Variants in HCRTR2 observed in about 807,000 individuals in gnomAD.
HCRTR2 encodes hypocretin receptor 2.
In HCRTR2, 22 loss-of-function variants were observed where a neutral mutation model predicts 49.0. The observed-to-expected ratio is 0.45, with a 90% confidence interval of 0.32 to 0.64. The LOEUF (loss-of-function observed/expected upper bound fraction) is 0.64. HCRTR2 is among the 30% of genes least tolerant of loss of function. The pLI, the probability that HCRTR2 is intolerant of heterozygous loss-of-function variation, is 0.04. For synonymous variants in HCRTR2, 236 were observed against 205.3 expected, an observed-to-expected ratio of 1.15 and a Z score of -1.28; for missense variants, 491 against 559.4, an observed-to-expected ratio of 0.88 and a Z score of 1.23.
At chr6:55,236,289 T>G (rs1562017109) in intron 1 of HCRTR2, among the ~76,000 whole-genome samples, 1 of 152,016 alleles carries the variant, frequency 6.6e-6, no homozygotes, top group Non-Finnish European at 1.5e-5. Context: ...CATTTTCTAG[T>G]TGTTTTTATT....
chr6:55,240,878 A>T (rs1313297032), intron 1 of HCRTR2: 1 of 253,014 alleles, frequency 4.0e-6, no homozygotes, highest in African/African-American at 2.3e-5. Flanking sequence ...TTTTTCATTT[A>T]GAAATGTTGT....
chr6:55,171,205 A>C (rs2127267283), upstream of HCRTR2, among the ~76,000 whole-genome samples: 1 of 152,290 alleles, frequency 6.6e-6, no homozygotes, highest in South Asian at 2.1e-4. Context: ...CCAACAGTGC[A>C]AAAGTGTTCC....
At chr6:55,174,871 G>T (rs1765011718) in intron 1 of HCRTR2, 61 bp downstream of exon 1, 1 of 1,416,404 alleles carries the variant, frequency 7.1e-7, no homozygotes, top group Non-Finnish European at 1.0e-6. Flanking sequence ...CCCGGGCTGA[G>T]AAGGCTCTAA....
At chr6:55,256,949 G>A (rs1766664359) in intron 3 of HCRTR2, among the ~76,000 whole-genome samples, 1 of 152,076 alleles carries the variant, frequency 6.6e-6, no homozygotes, top group African/African-American at 2.4e-5. Context: ...ACACAAATGA[G>A]AGAACAAACT....
intron 1 of HCRTR2, among the ~76,000 whole-genome samples, chr6:55,198,945 G>A (rs1473668750): frequency 6.6e-6 from 1 of 152,150 alleles, no homozygotes; most frequent in Non-Finnish European, 1.5e-5. Flanking sequence ...TAACACAATA[G>A]GATCAATTAC....
chr6:55,238,083 G>A (rs1766247896), intron 1 of HCRTR2, among the ~76,000 whole-genome samples: 1 of 152,116 alleles, frequency 6.6e-6, no homozygotes, highest in Non-Finnish European at 1.5e-5. Context: ...ACTGGGTATT[G>A]ACACTAGGAT....
At chr6:55,264,161 T>C (rs1766820893) in intron 4 of HCRTR2, among the ~76,000 whole-genome samples, 1 of 152,062 alleles carries the variant, frequency 6.6e-6, no homozygotes, top group Non-Finnish European at 1.5e-5. Context: ...TCGCTTTCTA[T>C]GAGAAATAGC....
At chr6:55,202,146 T>C (rs1765523116) in intron 1 of HCRTR2, among the ~76,000 whole-genome samples, 2 of 152,174 alleles carry the variant, frequency 1.3e-5, no homozygotes, top group South Asian at 2.1e-4. Context: ...AAATAATGTG[T>C]TAATTGTGCT....
chr6:55,168,221 C>T (rs1156464235), intron 1 of HCRTR2, among the ~76,000 whole-genome samples: 1 of 152,154 alleles, frequency 6.6e-6, no homozygotes, highest in Admixed American at 6.5e-5. Flanking sequence ...GATTGATTCT[C>T]TTTGGGGGAG....
Position 55,277,526 on chromosome 6 carries a change from C to T in HCRTR2, c.909C>T (p.Ala303=). 1 of 1,614,052 alleles carries T rather than the reference C, an allele frequency of 6.2e-7. No individual in the cohort carries two copies. Among genetic ancestry groups the T allele is most frequent in the Non-Finnish European group, 8.5e-7 (1 of 1,179,980 alleles). ...IKQIRARRKT[A]RMLMIVLLVF... ...AGATCCGAGCCAGAAGGAAAACAGC[C>T]CGGATGTTGATGATTGTGCTTTTGG... Residue 303 remains alanine (A), a synonymous_variant, in exon 5 of 7, where the codon GCC becomes GCT. Coordinates refer to ENST00000370862, the MANE Select transcript of HCRTR2 (RefSeq NM_001384272.1).
chr6:55,109,200 C>A (rs919387855), intron 1 of HCRTR2, among the ~76,000 whole-genome samples: 3 of 152,228 alleles, frequency 2.0e-5, no homozygotes, highest in African/African-American at 7.2e-5. Context: ...AGGGAGAGCA[C>A]CACATCAAAT....
intron 1 of HCRTR2, among the ~76,000 whole-genome samples, chr6:55,228,854 A>T (rs1289834887): frequency 6.6e-6 from 1 of 152,202 alleles, no homozygotes; most frequent in Non-Finnish European, 1.5e-5. Context: ...ACATATTTTA[A>T]TGAAAGTAAA....
chr6:55,117,933 T>A (rs1046858239), intron 1 of HCRTR2, among the ~76,000 whole-genome samples: 1 of 151,698 alleles, frequency 6.6e-6, no homozygotes, highest in African/African-American at 2.4e-5. Context: ...ATGTGCAGGA[T>A]CTGCAGGTTT....
intron 4 of HCRTR2, among the ~76,000 whole-genome samples, chr6:55,270,722 G>A (rs1041903035): frequency 2.0e-5 from 3 of 152,064 alleles, no homozygotes; most frequent in African/African-American, 7.2e-5. Context: ...TAAGTTTTGG[G>A]TTTAGACTTA....
chr6:55,200,369 A>T (rs1446935141), intron 1 of HCRTR2, among the ~76,000 whole-genome samples: 1 of 150,928 alleles, frequency 6.6e-6, no homozygotes, highest in Non-Finnish European at 1.5e-5. Flanking sequence ...GGTTCACGTG[A>T]TTCTCCTGCC....
intron 3 of HCRTR2, among the ~76,000 whole-genome samples, chr6:55,262,288 C>T (rs1422628123): frequency 7.0e-6 from 1 of 143,506 alleles, no homozygotes; most frequent in Non-Finnish European, 1.5e-5. Flanking sequence ...TACATACATA[C>T]AAAAATTCAG....
chr6:55,279,815 G>C (rs1344251857), intron 5 of HCRTR2, among the ~76,000 whole-genome samples: 3 of 151,908 alleles, frequency 2.0e-5, no homozygotes, highest in Non-Finnish European at 4.4e-5. Context: ...ATCGAGAACT[G>C]TTTCTTCTCT....
intron 5 of HCRTR2, among the ~76,000 whole-genome samples, chr6:55,277,913 C>A (rs527566352): frequency 1.3e-5 from 2 of 152,176 alleles, no homozygotes; most frequent in Non-Finnish European, 2.9e-5. Context: ...AACTCATTTA[C>A]AGCTTGCAGT....
chr6:55,144,991 A>G (rs1250782823), intron 1 of HCRTR2, among the ~76,000 whole-genome samples: 1 of 152,042 alleles, frequency 6.6e-6, no homozygotes, highest in Non-Finnish European at 1.5e-5. Flanking sequence ...TAAATTAATT[A>G]TCCTCTCCAT....
Sources: allele counts gnomAD v4.1 joint callset (sites outside exome capture counted in the v4.1 genomes callset), GRCh38; gene constraint gnomAD v4.1.1; transcripts MANE v1.5; gene names NCBI Gene and HGNC (gene_info 2026-07-23, HGNC 2026-07-21).